Variants in SLC35F1 observed in about 807,000 individuals in gnomAD.
SLC35F1 encodes the protein solute carrier family 35 member F1.
Under a neutral mutation model 48.7 loss-of-function variants are expected in SLC35F1, and 14 were observed. The ratio of observed to expected loss-of-function variants is 0.29; its 90% confidence interval spans 0.19 to 0.45. The LOEUF is 0.45. Ranked by LOEUF, SLC35F1 falls within the 20% of genes least tolerant of loss-of-function variation. The pLI is 1.00. For synonymous variants in SLC35F1, 190 were observed against 202.2 expected (o/e 0.94, Z 0.51); for missense variants, 404 against 500.0 (o/e 0.81, Z 1.83).
chr6:118,232,340 A>G (rs1775302339), intron 2 of SLC35F1, among the ~76,000 whole-genome samples: 1 of 152,050 alleles, frequency 6.6e-6, no homozygotes, highest in Non-Finnish European at 1.5e-5. Flanking sequence ...TCACAAGGTC[A>G]GGAGATTAAT....
At chr6:118,148,820 C>G (rs1774013276) in intron 1 of SLC35F1, among the ~76,000 whole-genome samples, 1 of 152,150 alleles carries the variant, frequency 6.6e-6, no homozygotes, top group Non-Finnish European at 1.5e-5. Flanking sequence ...CCTTACCAGG[C>G]TTGTTCTGAA....
chr6:118,291,461 T>C (rs1436088989), intron 7 of SLC35F1, among the ~76,000 whole-genome samples: 2 of 152,234 alleles, frequency 1.3e-5, no homozygotes, highest in African/African-American at 4.8e-5. Flanking sequence ...CCGACTCTTA[T>C]CAGATATATG....
At chr6:118,191,121 G>A (rs1428914494) in intron 2 of SLC35F1, among the ~76,000 whole-genome samples, 1 of 152,148 alleles carries the variant, frequency 6.6e-6, no homozygotes, top group Non-Finnish European at 1.5e-5. Flanking sequence ...CCTCCTGGAA[G>A]TGTTCTCTTT....
At chr6:118,278,181 G>A (rs1460050168) in intron 6 of SLC35F1, among the ~76,000 whole-genome samples, 3 of 152,200 alleles carry the variant, frequency 2.0e-5, no homozygotes, top group Non-Finnish European at 2.9e-5. Flanking sequence ...CCTAGGACAT[G>A]CTGTAATGAT....
intron 2 of SLC35F1, among the ~76,000 whole-genome samples, chr6:118,214,785 A>G (rs1775050586): frequency 6.6e-6 from 1 of 152,132 alleles, no homozygotes; most frequent in Non-Finnish European, 1.5e-5. Context: ...GTGGGGAAGG[A>G]AGGTGAAGAA....
At chr6:118,189,595 T>G (rs1774705936) in intron 2 of SLC35F1, among the ~76,000 whole-genome samples, 1 of 152,364 alleles carries the variant, frequency 6.6e-6, no homozygotes, top group East Asian at 1.9e-4. Flanking sequence ...ATTGTATACT[T>G]TGCTATGCAG....
At chr6:118,244,144 T>G (rs1192234317) in intron 3 of SLC35F1, among the ~76,000 whole-genome samples, 2 of 152,236 alleles carry the variant, frequency 1.3e-5, no homozygotes, top group African/African-American at 2.4e-5. Context: ...GTAGAGCTAT[T>G]GTCAATCTCT....
chr6:118,202,596 A>G (rs917785667), intron 2 of SLC35F1, among the ~76,000 whole-genome samples: 4 of 152,250 alleles, frequency 2.6e-5, no homozygotes, highest in Non-Finnish European at 5.9e-5. Flanking sequence ...TGGATGGTAG[A>G]TAAGTTCATT....
Position 118,285,246 on chromosome 6 carries a change from A to G in SLC35F1, c.910A>G (p.Ile304Val), listed in dbSNP as rs774754567. 1 of 1,614,016 alleles carries G rather than the reference A, an allele frequency of 6.2e-7. No homozygotes were observed. Among genetic ancestry groups the G allele is most frequent in the Non-Finnish European group, 8.5e-7 (1 of 1,179,918 alleles). ...TCTCTACAGCTTTATGCCAGTCGTC[A>G]TAAAGAAAACCAGTGCCACTTCAGT... ...FGLYSFMPVVIKKTSATSVNL... is the reference protein window; with the variant it reads ...FGLYSFMPVVVKKTSATSVNL... The change falls in exon 7 of 8, where the codon ATA (isoleucine) becomes GTA (valine). Residue 304 changes from isoleucine (I) to valine (V), a missense_variant. This residue lies in a region of SLC35F1 where 306 missense variants were observed against 419.1 expected (regional missense o/e 0.73). Transcript: ENST00000360388.
chr6:117,967,273 G>A (rs892617425), intron 1 of SLC35F1, among the ~76,000 whole-genome samples: 8 of 151,302 alleles, frequency 5.3e-5, no homozygotes, highest in African/African-American at 1.9e-4. Context: ...AGAAAATACA[G>A]GAAAAAAATG....
chr6:118,047,594 A>G (rs1359468534), intron 1 of SLC35F1, among the ~76,000 whole-genome samples: 1 of 152,174 alleles, frequency 6.6e-6, no homozygotes, highest in Non-Finnish European at 1.5e-5. Context: ...CCTGAACTTT[A>G]TTAGAAAATA....
chr6:118,296,782 GTT>G (rs1366807631), intron 7 of SLC35F1, among the ~76,000 whole-genome samples: 1 of 152,160 alleles, frequency 6.6e-6, no homozygotes, highest in African/African-American at 2.4e-5. Flanking sequence ...AAAGCAGCTA[GTT>G]GTCTCCCAGG....
At chr6:118,233,662 AG>A (rs111888851) in intron 2 of SLC35F1, among the ~76,000 whole-genome samples, 3,703 of 152,324 alleles carry the variant, frequency 0.024, 140 homozygotes, top group African/African-American at 0.084. Flanking sequence ...TTTGGATAAA[AG>A]CACCCAGTCT....
intron 4 of SLC35F1, among the ~76,000 whole-genome samples, chr6:118,272,889 G>A (rs971128406): frequency 2.7e-5 from 4 of 150,218 alleles, no homozygotes; most frequent in South Asian, 4.2e-4. Context: ...ATTAGTCTTA[G>A]TACCTACACT....
chr6:118,005,645 C>T lies in SLC35F1; in HGVS notation c.173+97746C>T, dbSNP rs1008256954. Among the ~76,000 whole-genome samples, 16 of 152,196 alleles carry T rather than the reference C, an allele frequency of 1.1e-4. 1 individual carries two copies. Among genetic ancestry groups the T allele is most frequent in the African/African-American group, 3.9e-4 (16 of 41,448 alleles). On this transcript the variant is annotated intron_variant, in intron 1 of 7. Coordinates refer to ENST00000360388, the MANE Select transcript of SLC35F1 (RefSeq NM_001029858.4). ...TTGAGAAGTTAACCTACTTAAACCACTTTAGCATCAGAAACTTTTAGCAGC... is the reference window on the plus strand; with the variant it reads ...TTGAGAAGTTAACCTACTTAAACCATTTTAGCATCAGAAACTTTTAGCAGC...
rs1775779633 is a variant in SLC35F1 at position 118,266,844 on chromosome 6, G to A, written c.478-151G>A. The A allele has an allele frequency of 4.0e-6, 3 of 750,820 alleles. No individual in the cohort carries two copies. In the Admixed American group the frequency reaches 6.9e-5, roughly 17 times the overall value. 46.5% of individuals were successfully genotyped at this position (750,820 alleles called of 1,614,324 possible). ...CTAATTTCCATTTATTTCAGAGTCT[G>A]TTTTAAGTACATCAAGTCTGGGTCT... On this transcript the variant is annotated intron_variant, in intron 3 of 7. Transcript: ENST00000360388.
At chr6:117,943,420 C>T in intron 1 of SLC35F1, among the ~76,000 whole-genome samples, 1 of 152,100 alleles carries the variant, frequency 6.6e-6, no homozygotes, top group East Asian at 1.9e-4. Context: ...ATTTTCTGCT[C>T]CAACTTTCAC....
chr6:117,995,517 C>A (rs953380940), intron 1 of SLC35F1, among the ~76,000 whole-genome samples: 3 of 152,108 alleles, frequency 2.0e-5, no homozygotes, highest in Admixed American at 1.3e-4. Context: ...CCGAGGCGGG[C>A]GGATCATGAG....
intron 1 of SLC35F1, among the ~76,000 whole-genome samples, chr6:118,063,482 T>C (rs961685551): frequency 2.4e-4 from 37 of 152,306 alleles, no homozygotes; most frequent in African/African-American, 6.0e-4. Context: ...TGCATTTTTT[T>C]CTCTATTTTT....
Sources: allele counts gnomAD v4.1 joint callset (sites outside exome capture counted in the v4.1 genomes callset), GRCh38; gene constraint gnomAD v4.1.1; regional missense constraint gnomAD v4.1.1; transcripts MANE v1.5; gene names NCBI Gene and HGNC (gene_info 2026-07-23, HGNC 2026-07-21).